Variants in ARL5C observed in about 807,000 individuals in gnomAD.
The protein encoded by ARL5C is putative ADP-ribosylation factor-like protein 5C.
A neutral mutation model predicts 20.8 loss-of-function variants in ARL5C; 21 were observed. The observed-to-expected ratio is 1.01, with a 90% CI of 0.72 to 1.46. The LOEUF is 1.46. Ranked by LOEUF, ARL5C falls within the 40% of genes most tolerant of loss-of-function variation. The pLI, the probability that ARL5C is intolerant of heterozygous loss-of-function variation, is 0.00. For missense variants in ARL5C, 199 were observed against 225.1 expected, an observed-to-expected ratio of 0.88 and a Z score of 0.74; for synonymous variants, 71 against 81.6, an observed-to-expected ratio of 0.87 and a Z score of 0.70.
chr17:39,156,946 C>G lies in ARL5C; in HGVS notation c.492-4G>C. ...CCACTGAAGTCTGGCAGGCAGCCTG[C>G]AGGGAGGAAGGAACAGGAGGGGTCA... On this transcript the variant is annotated splice_region_variant and splice_polypyrimidine_tract_variant and intron_variant, in intron 5 of 5. Transcript: ENST00000269586. 1.2e-5 allele frequency: 18 copies of G among 1,551,810 alleles called. No homozygotes were observed. Among genetic ancestry groups the G allele is most frequent in the Non-Finnish European group, 1.5e-5 (17 of 1,146,954 alleles).
chr17:39,161,199 AG>A, intron 4 of ARL5C, 68 bp downstream of exon 4: 1 of 1,407,752 alleles, frequency 7.1e-7, no homozygotes, highest in Non-Finnish European at 9.8e-7. Flanking sequence ...ATCTCAGAGA[AG>A]CTAAGTGACC....
intron 2 of ARL5C, among the ~76,000 whole-genome samples, chr17:39,163,354 C>CTTTCTTTCT (rs2144047801): frequency 9.1e-6 from 1 of 109,642 alleles, no homozygotes; most frequent in African/African-American, 6.9e-5. Context: ...GCCTTTCTTT[C>CTTTCTTTCT]TTTCTTTCTT....
chr17:39,165,809 G>A lies in ARL5C; in HGVS notation c.-49C>T. 1 of 1,548,752 alleles carries A rather than the reference G, an allele frequency of 6.5e-7. No homozygotes were observed. On this transcript the variant is annotated 5_prime_UTR_variant, in exon 1 of 6. Transcript: ENST00000269586. ...GCAGGAGGGCTCAGCGGCCTCAGGA[G>A]CGGAGTCGGCCCTGGTATTCGGAGC...
intron 3 of ARL5C, 72 bp downstream of exon 3, chr17:39,162,639 C>T: frequency 6.7e-7 from 1 of 1,493,102 alleles, no homozygotes; most frequent in Non-Finnish European, 9.0e-7. Flanking sequence ...AACCAAGGCT[C>T]AGAAAGGTTA....
rs530216577 is a variant in ARL5C, at chr17:39,161,825, C to G, written c.256-474G>C. Among the ~76,000 whole-genome samples the G allele has an allele frequency of 2.8e-4, 42 of 152,278 alleles. No homozygotes were observed. The South Asian group carries it at 6.2e-3, about 23-fold the overall frequency. Reference sequence around the variant, plus strand: ...GCTGCCACACCTGGCCTGTAATTGTCTTTTCTATCCAGACATGGGAATAGC... The same window carrying G: ...GCTGCCACACCTGGCCTGTAATTGTGTTTTCTATCCAGACATGGGAATAGC... On this transcript the variant is annotated intron_variant, in intron 3 of 5. Transcript: ENST00000269586.
At chr17:39,157,744 C>G (rs1462057631) in intron 5 of ARL5C, among the ~76,000 whole-genome samples, 1 of 148,318 alleles carries the variant, frequency 6.7e-6, no homozygotes, top group African/African-American at 2.5e-5. Flanking sequence ...GAGCTGAGAT[C>G]ATGCTATTGC....
intron 5 of ARL5C, among the ~76,000 whole-genome samples, chr17:39,159,032 T>G (rs1401542684): frequency 8.1e-6 from 1 of 123,142 alleles, no homozygotes; most frequent in Non-Finnish European, 1.7e-5. Flanking sequence ...GTTTTTTTTT[T>G]TTTTTTTTTT....
chr17:39,163,345 C>CCATTCATTCTTTCTTT (rs765643720), intron 2 of ARL5C, among the ~76,000 whole-genome samples: 4 of 136,740 alleles, frequency 2.9e-5, no homozygotes, highest in Non-Finnish European at 4.8e-5. Flanking sequence ...CAGGCTTTTG[C>CCATTCATTCTTTCTTT]CTTTCTTTCT....
chr17:39,156,744 C>T (rs530289442), downstream of ARL5C: 78 of 923,224 alleles, frequency 8.4e-5, no homozygotes, highest in South Asian at 1.2e-3. Flanking sequence ...TTCTCAGCAA[C>T]GGGTTGGGAG....
chr17:39,161,260 G>A lies in ARL5C; in HGVS notation c.339+8C>T. The A allele has an allele frequency of 1.9e-6, 3 of 1,551,662 alleles. No homozygotes were observed. The highest frequency in any genetic ancestry group is 2.6e-6 in the Non-Finnish European group (3 of 1,146,898). ...CACTGGGCCCTCTCCCAACTGCAGGGGGCTTACCTCATGGGCCAGCATTTT... is the reference window on the plus strand; with the variant it reads ...CACTGGGCCCTCTCCCAACTGCAGGAGGCTTACCTCATGGGCCAGCATTTT... On this transcript the variant is annotated splice_region_variant and intron_variant, in intron 4 of 5. Transcript: ENST00000269586.
intron 5 of ARL5C, 55 bp from the exon 6 acceptor site, chr17:39,156,997 T>G (rs2045408957): frequency 1.3e-6 from 2 of 1,544,078 alleles, no homozygotes; most frequent in Non-Finnish European, 8.8e-7. Context: ...ATGATGGCCT[T>G]CAAGTCTCCA....
chr17:39,162,972 G>C, intron 2 of ARL5C, 114 bp from the exon 3 acceptor site: 1 of 1,309,854 alleles, frequency 7.6e-7, no homozygotes, highest in Non-Finnish European at 1.0e-6. Context: ...GTCCACCCAG[G>C]TTCACCAAAC....
chr17:39,163,382 C>CTTTCTTTCTTTCTT (rs1555576151), intron 2 of ARL5C, among the ~76,000 whole-genome samples: 5 of 142,530 alleles, frequency 3.5e-5, no homozygotes, highest in Non-Finnish European at 6.2e-5. Context: ...TTCTTTCTTT[C>CTTTCTTTCTTTCTT]TTTCTTTCTT....
intron 5 of ARL5C, among the ~76,000 whole-genome samples, chr17:39,157,473 A>G (rs1003064596): frequency 6.6e-6 from 1 of 152,216 alleles, no homozygotes; most frequent in Non-Finnish European, 1.5e-5. Context: ...GGCACCGCAC[A>G]GGGAACATGG....
intron 5 of ARL5C, among the ~76,000 whole-genome samples, chr17:39,159,498 T>C (rs2045424179): frequency 6.6e-6 from 1 of 152,012 alleles, no homozygotes; most frequent in South Asian, 2.1e-4. Flanking sequence ...GGTTCCTCCA[T>C]GTTGGTCAGG....
At position 39,165,108 on chromosome 17, in the gene ARL5C, A is replaced by C; in HGVS notation, c.78T>G (p.Asn26Lys). The change falls in exon 2 of 6, where the codon AAT becomes AAG. Residue 26 changes from asparagine (N) to lysine (K), a missense_variant. By Grantham distance (94) the Asn-to-Lys change is moderately conservative (BLOSUM62 0). Transcript: ENST00000269586. Reference sequence around the variant, plus strand: ...GGTAGAGAATGGTGGTCTTTCCTTCATTGTCCAGTCCCACGATGATGACCG... The same window carrying C: ...GGTAGAGAATGGTGGTCTTTCCTTCCTTGTCCAGTCCCACGATGATGACCG... ...EHTVIIVGLD[N>K]EGKTTILYRF... is the part of the protein sequence containing the mutation. The C allele has an allele frequency of 6.4e-7, 1 of 1,551,618 alleles. No individual in the cohort carries two copies. Among genetic ancestry groups the C allele is most frequent in the Non-Finnish European group, 8.7e-7 (1 of 1,146,966 alleles).
chr17:39,157,869 G>A (rs542047391), intron 5 of ARL5C, among the ~76,000 whole-genome samples: 3 of 151,418 alleles, frequency 2.0e-5, no homozygotes, highest in South Asian at 2.1e-4. Flanking sequence ...CGAGGCGGGC[G>A]GATCATGAGG....
intron 3 of ARL5C, 64 bp from the exon 4 acceptor site, chr17:39,161,415 C>T (rs776599534): frequency 1.7e-5 from 24 of 1,450,302 alleles, no homozygotes; most frequent in Non-Finnish European, 2.3e-5. Flanking sequence ...TTCCTGCCCT[C>T]TTTCTTTCCC....
chr17:39,165,877 T>A lies in ARL5C; in HGVS notation c.-117A>T. ...GTCTGGCAGATTTTGCCTACGAAGTTAGGGAAGCCCCACACGTCACCAACC... is the reference window on the plus strand; with the variant it reads ...GTCTGGCAGATTTTGCCTACGAAGTAAGGGAAGCCCCACACGTCACCAACC... On this transcript the variant is annotated 5_prime_UTR_variant, in exon 1 of 6. Transcript: ENST00000269586. 1 of 1,276,380 alleles carries A rather than the reference T, an allele frequency of 7.8e-7. No homozygotes were observed. The highest frequency in any genetic ancestry group is 1.1e-6 in the Non-Finnish European group (1 of 911,114). 79.1% of individuals were successfully genotyped at this position (1,276,380 alleles called of 1,614,324 possible).
Sources: gnomAD v4.1 joint callset for allele counts (sites outside exome capture counted in the v4.1 genomes callset) on GRCh38, gnomAD v4.1.1 for gene constraint, MANE v1.5 for transcripts, NCBI Gene and HGNC (gene_info 2026-07-23, HGNC 2026-07-21) for gene names.